LYRM4: variants seen among roughly 807,000 people sequenced by gnomAD.
LYRM4 encodes LYR motif containing 4.
Under a neutral mutation model 11.7 loss-of-function variants are expected in LYRM4, and 9 were observed. The ratio of observed to expected loss-of-function variants is 0.77; its 90% CI spans 0.46 to 1.34. LYRM4 has a LOEUF of 1.34. LYRM4 is among the 40% of genes most tolerant of loss of function. The probability of loss-of-function intolerance (pLI) is 0.00; values close to 1 mark genes in which losing one functional copy is unlikely to be tolerated. For missense variants in LYRM4, 133 were observed against 112.5 expected, an observed-to-expected ratio of 1.18 and a Z score of -0.82; for synonymous variants, 42 against 40.4, an observed-to-expected ratio of 1.04 and a Z score of -0.15.
At chr6:5,186,605 G>GC in intron 2 of LYRM4, 1 of 978,976 alleles carries the variant, frequency 1.0e-6, no homozygotes, top group Non-Finnish European at 1.2e-6. Flanking sequence ...AGAAGGAAAT[G>GC]CAAGAGAATT....
chr6:5,244,408 T>C (rs1429958849), intron 1 of LYRM4, among the ~76,000 whole-genome samples: 1 of 152,196 alleles, frequency 6.6e-6, no homozygotes, highest in African/African-American at 2.4e-5. Flanking sequence ...TTAAAAATGC[T>C]ACTGATATGA....
chr6:5,131,372 T>C (rs1476145882), intron 2 of LYRM4, among the ~76,000 whole-genome samples: 2 of 152,130 alleles, frequency 1.3e-5, no homozygotes, highest in Non-Finnish European at 2.9e-5. Flanking sequence ...ACAAACTAAA[T>C]ACACACACAT....
intron 2 of LYRM4, among the ~76,000 whole-genome samples, chr6:5,193,730 C>A (rs1356761734): frequency 6.6e-6 from 1 of 152,184 alleles, no homozygotes; most frequent in Admixed American, 6.5e-5. Flanking sequence ...ATCCTGACAA[C>A]CTTCCTAGGC....
intron 2 of LYRM4, among the ~76,000 whole-genome samples, chr6:5,131,177 G>A (rs1026822664): frequency 6.6e-6 from 1 of 152,130 alleles, no homozygotes; most frequent in Admixed American, 6.5e-5. Context: ...ACTAAATAAT[G>A]AGCAACATTT....
the LYRM4 span, among the ~76,000 whole-genome samples, chr6:5,048,290 GGT>G: frequency 0.066 from 9,271 of 139,918 alleles, 413 homozygotes; most frequent in Admixed American, 0.14. Flanking sequence ...GACACTTTGT[GGT>G]GTGTGTGTGT....
chr6:5,254,252 T>A (rs1183464228), intron 1 of LYRM4, among the ~76,000 whole-genome samples: 2 of 152,194 alleles, frequency 1.3e-5, no homozygotes, highest in Admixed American at 6.5e-5. Flanking sequence ...ATCCGCCATA[T>A]TCATCTGACT....
At chr6:5,129,899 C>T (rs1173961231) in intron 2 of LYRM4, among the ~76,000 whole-genome samples, 3 of 152,204 alleles carry the variant, frequency 2.0e-5, no homozygotes, top group African/African-American at 7.2e-5. Context: ...CAGAGAGATT[C>T]GTGCTGAGGT....
chr6:5,097,656 A>G, the LYRM4 span, among the ~76,000 whole-genome samples: 63 of 152,258 alleles, frequency 4.1e-4, no homozygotes, highest in African/African-American at 1.4e-3. Flanking sequence ...CGGCCAATAA[A>G]TTAATATATT....
At chr6:5,207,033 A>G (rs1761739237) in intron 2 of LYRM4, among the ~76,000 whole-genome samples, 2 of 152,304 alleles carry the variant, frequency 1.3e-5, no homozygotes, top group African/African-American at 4.8e-5. Flanking sequence ...GAGTGATGAC[A>G]TGACTTTAGA....
the LYRM4 span, among the ~76,000 whole-genome samples, chr6:5,082,756 A>C: frequency 3.1e-3 from 473 of 152,268 alleles, no homozygotes; most frequent in African/African-American, 0.011. Flanking sequence ...ACGGCCTCTC[A>C]TTGCTCAAGG....
the LYRM4 span, among the ~76,000 whole-genome samples, chr6:5,062,081 C>A: frequency 8.5e-6 from 1 of 117,280 alleles, no homozygotes; most frequent in Non-Finnish European, 1.8e-5. Flanking sequence ...CTTCCTTCTT[C>A]TTTTTTTTTT....
In LYRM4 at chr6:5,118,565, G is replaced by A. The variant is rs143189181; in HGVS notation, c.208-9074C>T. On this transcript the variant is annotated intron_variant, in intron 2 of 2. Coordinates refer to ENST00000330636, the MANE Select transcript of LYRM4 (RefSeq NM_020408.6). ...ACAAGGCTGGACATCCTTTCACGCC[G>A]CCTGCAATTCATGCAGCAATTGTCC... 8.7e-4 allele frequency among the ~76,000 whole-genome samples: 133 copies of A among 152,220 alleles called. No individual in the cohort carries two copies. The Middle Eastern group carries it at 0.01, about 12-fold the overall frequency.
chr6:5,216,328 CA>C (rs2127723496), intron 2 of LYRM4, among the ~76,000 whole-genome samples: 1 of 152,262 alleles, frequency 6.6e-6, no homozygotes, highest in Admixed American at 6.5e-5. Flanking sequence ...ATACATCTTA[CA>C]AAAACTTAGC....
chr6:5,220,755 T>C (rs1468004944), intron 1 of LYRM4, among the ~76,000 whole-genome samples: 44 of 152,202 alleles, frequency 2.9e-4, no homozygotes, highest in Non-Finnish European at 2.9e-5. Flanking sequence ...CTGTTACTTG[T>C]TAATTTCTGG....
intron 1 of LYRM4, chr6:5,218,455 G>C: frequency 1.2e-6 from 1 of 851,262 alleles, no homozygotes; most frequent in African/African-American, 1.8e-5. Context: ...AAGTAAAAAG[G>C]CATTTTACAT....
intron 2 of LYRM4, among the ~76,000 whole-genome samples, chr6:5,185,132 T>C (rs1760311871): frequency 6.6e-6 from 1 of 152,122 alleles, no homozygotes; most frequent in Non-Finnish European, 1.5e-5. Context: ...GAGGGTCGAG[T>C]CGCCCCTTGT....
intron 2 of LYRM4, among the ~76,000 whole-genome samples, chr6:5,198,641 C>T (rs184105445): frequency 6.6e-6 from 1 of 152,306 alleles, no homozygotes; most frequent in Admixed American, 6.5e-5. Context: ...CCTCATTGCC[C>T]AGTAATACCC....
chr6:5,086,775 C>G, the LYRM4 span: 1 of 579,186 alleles, frequency 1.7e-6, no homozygotes, highest in East Asian at 2.9e-5. Flanking sequence ...CTCCGAAAGC[C>G]TCTGACCTCA....
At chr6:5,144,235 TC>T (rs1484770255) in intron 2 of LYRM4, 3 of 1,536,908 alleles carry the variant, frequency 2.0e-6, no homozygotes, top group Non-Finnish European at 8.7e-7. Flanking sequence ...CCCGACTTCC[TC>T]CTGGCGGCTG....
Sources: gnomAD v4.1 joint callset for allele counts (sites outside exome capture counted in the v4.1 genomes callset) on GRCh38, gnomAD v4.1.1 for gene constraint, MANE v1.5 for transcripts, NCBI Gene and HGNC (gene_info 2026-07-23, HGNC 2026-07-21) for gene names.